Variants in COL21A1 observed in about 807,000 individuals in gnomAD.
COL21A1 encodes collagen type XXI alpha 1 chain, also known as collagen alpha-1(XXI) chain.
In COL21A1, 149 loss-of-function variants were observed where a neutral mutation model predicts 137.9. The ratio of observed to expected loss-of-function variants is 1.08; its 90% CI spans 0.95 to 1.24. The LOEUF is 1.24. Ranked by LOEUF, COL21A1 falls within the 50% of genes most tolerant of loss-of-function variation. The pLI is 0.00. For synonymous variants in COL21A1, 456 were observed against 391.5 expected, an observed-to-expected ratio of 1.16 and a Z score of -1.95; for missense variants, 1,167 against 1,158.4, an observed-to-expected ratio of 1.01 and a Z score of -0.11.
chr6:56,263,630 C>T (rs909236718), intron 1 of COL21A1, among the ~76,000 whole-genome samples: 1 of 152,106 alleles, frequency 6.6e-6, no homozygotes, highest in East Asian at 1.9e-4. Flanking sequence ...AGCGCATGTC[C>T]CCAGAATATT....
chr6:56,176,855 GGGAGAGGAAA>G (rs1346065541), intron 3 of COL21A1, among the ~76,000 whole-genome samples: 1 of 146,798 alleles, frequency 6.8e-6, no homozygotes, highest in African/African-American at 2.5e-5. Flanking sequence ...GAAGAATGAA[GGGAGAGGAAA>G]GGGGAGGAAA....
chr6:56,176,469 T>C (rs1777479038), intron 3 of COL21A1, among the ~76,000 whole-genome samples: 1 of 150,884 alleles, frequency 6.6e-6, no homozygotes, highest in South Asian at 2.1e-4. Context: ...TAAATAAACA[T>C]TTCTCCAAAA....
intron 16 of COL21A1, among the ~76,000 whole-genome samples, chr6:56,101,801 C>A (rs1770484231): frequency 6.6e-6 from 1 of 151,936 alleles, no homozygotes; most frequent in South Asian, 2.1e-4. Flanking sequence ...GAGAATAGAC[C>A]ATCTTACTTC....
At chr6:56,293,137 T>C (rs962079671) in intron 1 of COL21A1, among the ~76,000 whole-genome samples, 2 of 152,188 alleles carry the variant, frequency 1.3e-5, no homozygotes, top group East Asian at 1.9e-4. Context: ...AGTTTCCGTA[T>C]ATTTGTGCAT....
Position 56,060,965 on chromosome 6 carries a change from T to C in COL21A1, c.2278A>G (p.Met760Val). 1 of 1,608,316 alleles carries C rather than the reference T, an allele frequency of 6.2e-7. No homozygotes were observed. Among genetic ancestry groups the C allele is most frequent in the Non-Finnish European group, 8.5e-7 (1 of 1,177,732 alleles). ...TGCCCCTTAGGACCTGCGGGCCCCA[T>C]CAAGCCATCCACCCCAGATTCTCCT... Reference protein sequence around the residue: ...SKGESGVDGLMGPAGPKGQPG... With the variant: ...SKGESGVDGLVGPAGPKGQPG... The change falls in exon 26 of 30, where the codon ATG becomes GTG. Residue 760 changes from methionine to valine, a missense_variant. Physicochemically the swap from Met to Val is conservative, Grantham distance 21. Coordinates refer to ENST00000244728, the MANE Select transcript of COL21A1 (RefSeq NM_030820.4).
At chr6:56,104,249 C>A (rs927945172) in intron 16 of COL21A1, among the ~76,000 whole-genome samples, 6 of 152,044 alleles carry the variant, frequency 3.9e-5, no homozygotes, top group Non-Finnish European at 8.8e-5. Flanking sequence ...GAAGGAGGAA[C>A]AGACTCTTTA....
intron 1 of COL21A1, among the ~76,000 whole-genome samples, chr6:56,317,751 T>C (rs1248471869): frequency 6.6e-6 from 1 of 152,156 alleles, no homozygotes; most frequent in Admixed American, 6.6e-5. Flanking sequence ...CCCACAGGTA[T>C]TTCAATGGCA....
At chr6:56,276,552 A>AT (rs1763660431) in intron 1 of COL21A1, 2 of 1,336,304 alleles carry the variant, frequency 1.5e-6, no homozygotes, top group Non-Finnish European at 2.1e-6. Context: ...TATACTTCAA[A>AT]TTTGTACTTA....
At chr6:56,125,490 G>A in intron 14 of COL21A1, 77 bp downstream of exon 14, 1 of 984,774 alleles carries the variant, frequency 1.0e-6, no homozygotes, top group Non-Finnish European at 1.6e-6. Flanking sequence ...TGCTGGGTTA[G>A]AACTGCAATT....
intron 9 of COL21A1, among the ~76,000 whole-genome samples, chr6:56,159,493 C>T (rs917873159): frequency 1.3e-5 from 2 of 151,996 alleles, no homozygotes; most frequent in African/African-American, 4.8e-5. Context: ...CCACCATGCT[C>T]AGCTAATTTT....
At chr6:56,367,724 C>T (rs893887406) in intron 1 of COL21A1, among the ~76,000 whole-genome samples, 2 of 152,008 alleles carry the variant, frequency 1.3e-5, no homozygotes, top group African/African-American at 2.4e-5. Flanking sequence ...GGAACTGAGA[C>T]AATTTTTTGT....
At chr6:56,269,378 G>A (rs1417940364) in intron 1 of COL21A1, among the ~76,000 whole-genome samples, 6 of 151,930 alleles carry the variant, frequency 3.9e-5, no homozygotes, top group East Asian at 3.9e-4. Flanking sequence ...CAGGTCGGCC[G>A]GGCGCGGTGG....
chr6:56,168,276 G>A lies in COL21A1; in HGVS notation c.1048C>T (p.His350Tyr). 2 of 1,544,094 alleles carry A rather than the reference G, an allele frequency of 1.3e-6. No individual in the cohort carries two copies. Among genetic ancestry groups the A allele is most frequent in the South Asian group, 1.3e-5 (1 of 77,470 alleles). ...TCTGTTACTAAGAGACGAATTTGGT[G>A]CCAGCCTTCATCAAACAACGTCTAC... is the stretch of plus-strand genomic sequence containing the variant. ...QVKTLFDEGW[H>Y]QIRLLVTEQD... Residue 350 changes from histidine (H) to tyrosine (Y), a missense_variant, in exon 6 of 30, where the codon CAC (histidine) becomes TAC (tyrosine). Physicochemically the swap from His to Tyr is moderately conservative, Grantham distance 83. Coordinates refer to ENST00000244728, the MANE Select transcript of COL21A1 (RefSeq NM_030820.4).
chr6:56,260,521 C>A (rs1763224802), intron 1 of COL21A1, among the ~76,000 whole-genome samples: 1 of 148,476 alleles, frequency 6.7e-6, no homozygotes, highest in Admixed American at 6.8e-5. Context: ...TTGCAGTGAA[C>A]CAAGACTGAG....
chr6:56,096,816 A>G (rs1469624282), intron 17 of COL21A1, among the ~76,000 whole-genome samples: 1 of 152,204 alleles, frequency 6.6e-6, no homozygotes, highest in Non-Finnish European at 1.5e-5. Context: ...GAATAAAGTG[A>G]ATATGCCCTT....
At chr6:56,307,851 G>A (rs886917408) in intron 1 of COL21A1, among the ~76,000 whole-genome samples, 3 of 151,932 alleles carry the variant, frequency 2.0e-5, no homozygotes, top group Non-Finnish European at 4.4e-5. Context: ...GTTCCTATTC[G>A]GCCATCTTGG....
chr6:56,146,075 C>T, intron 10 of COL21A1, among the ~76,000 whole-genome samples: 1 of 152,078 alleles, frequency 6.6e-6, no homozygotes. Context: ...AAATATTCTG[C>T]CAATCTAAAT....
intron 1 of COL21A1, among the ~76,000 whole-genome samples, chr6:56,293,954 T>C (rs1764110456): frequency 6.6e-6 from 1 of 152,178 alleles, no homozygotes; most frequent in African/African-American, 2.4e-5. Context: ...CTAGCGCCTT[T>C]TGGAATTTAT....
At chr6:56,125,393 A>G (rs931763066) in intron 14 of COL21A1, 174 bp downstream of exon 14, 3 of 437,590 alleles carry the variant, frequency 6.9e-6, no homozygotes, top group Admixed American at 8.2e-5. Flanking sequence ...AGCAGTCTGC[A>G]GTCACCAGCT....
Sources: allele counts gnomAD v4.1 joint callset (sites outside exome capture counted in the v4.1 genomes callset), GRCh38; gene constraint gnomAD v4.1.1; transcripts MANE v1.5; gene names NCBI Gene and HGNC (gene_info 2026-07-23, HGNC 2026-07-21).